TMTC2: variants seen among roughly 807,000 people sequenced by gnomAD.
TMTC2 encodes the protein transmembrane O-mannosyltransferase targeting cadherins 2.
Under a neutral mutation model 82.4 loss-of-function variants are expected in TMTC2, and 43 were observed. The observed-to-expected ratio is 0.52, with a 90% CI of 0.41 to 0.67. The LOEUF (loss-of-function observed/expected upper bound fraction) is 0.67. Among genes scored for constraint, TMTC2 ranks in the 30% least tolerant of loss-of-function variants. The pLI, the probability that TMTC2 is intolerant of heterozygous loss-of-function variation, is 0.00. For missense variants in TMTC2, 919 were observed against 1,012.4 expected (o/e 0.91, Z 1.25); for synonymous variants, 408 against 381.9 (o/e 1.07, Z -0.80).
intron 4 of TMTC2, among the ~76,000 whole-genome samples, chr12:82,952,130 A>G (rs528942773): frequency 2.0e-5 from 3 of 152,094 alleles, no homozygotes; most frequent in Non-Finnish European, 2.9e-5. Context: ...TGAAAATCCT[A>G]CCTGTTTCTA....
intron 1 of TMTC2, among the ~76,000 whole-genome samples, chr12:82,748,774 G>A (rs1875821509): frequency 6.6e-6 from 1 of 152,154 alleles, no homozygotes; most frequent in African/African-American, 2.4e-5. Flanking sequence ...CTACTTGTGA[G>A]GCTGAGGCAG....
intron 1 of TMTC2, among the ~76,000 whole-genome samples, chr12:82,849,307 T>C (rs1870847115): frequency 6.6e-6 from 1 of 152,028 alleles, no homozygotes; most frequent in Non-Finnish European, 1.5e-5. Context: ...AGGTGACCTA[T>C]AGCCTAATGA....
At chr12:82,898,983 C>G (rs377350328) in intron 3 of TMTC2, among the ~76,000 whole-genome samples, 3 of 152,162 alleles carry the variant, frequency 2.0e-5, no homozygotes, top group African/African-American at 4.8e-5. Context: ...CTGAAAGTTA[C>G]GATTCTAAAT....
intron 1 of TMTC2, chr12:82,760,807 A>C (rs1876584810): frequency 2.5e-6 from 1 of 394,560 alleles, no homozygotes; most frequent in Non-Finnish European, 5.1e-6. Context: ...TGAGGGATCT[A>C]GGTTTCATAC....
At chr12:82,737,729 T>G (rs1446159856) in intron 1 of TMTC2, among the ~76,000 whole-genome samples, 2 of 152,208 alleles carry the variant, frequency 1.3e-5, no homozygotes, top group East Asian at 3.8e-4. Flanking sequence ...TATACAGGAA[T>G]TTGAGGTTGA....
At chr12:82,993,365 T>C (rs867840049) in intron 8 of TMTC2, among the ~76,000 whole-genome samples, 6 of 60,462 alleles carry the variant, frequency 9.9e-5, no homozygotes, top group Middle Eastern at 9.1e-3. Flanking sequence ...GGTCTACTTA[T>C]ACACAGTTTT....
chr12:82,929,913 T>C (rs1875935111), intron 3 of TMTC2, among the ~76,000 whole-genome samples: 1 of 152,206 alleles, frequency 6.6e-6, no homozygotes, highest in African/African-American at 2.4e-5. Flanking sequence ...TAAAAGAACA[T>C]TATATCTATA....
intron 1 of TMTC2, among the ~76,000 whole-genome samples, chr12:82,792,802 TG>T (rs1878532819): frequency 6.6e-6 from 1 of 152,062 alleles, no homozygotes. Flanking sequence ...TATTTTCACA[TG>T]ATACAGATTC....
intron 11 of TMTC2, among the ~76,000 whole-genome samples, chr12:83,125,211 C>G (rs1885066655): frequency 6.6e-6 from 1 of 152,314 alleles, no homozygotes; most frequent in East Asian, 1.9e-4. Context: ...AGATTTCTAT[C>G]ATTACCTTGA....
intron 1 of TMTC2, among the ~76,000 whole-genome samples, chr12:82,718,477 A>G (rs17009893): frequency 6.6e-6 from 1 of 152,110 alleles, no homozygotes; most frequent in Admixed American, 6.5e-5. Context: ...CAGAACATAA[A>G]GTATTCATGG....
At chr12:83,122,501 T>C (rs1435884982) in intron 11 of TMTC2, among the ~76,000 whole-genome samples, 3 of 152,160 alleles carry the variant, frequency 2.0e-5, no homozygotes, top group African/African-American at 7.2e-5. Flanking sequence ...TTTTTTCCGC[T>C]GCTTCCTCTA....
At chr12:83,050,253 G>A (rs1214466952) in intron 9 of TMTC2, among the ~76,000 whole-genome samples, 1 of 152,092 alleles carries the variant, frequency 6.6e-6, no homozygotes, top group East Asian at 1.9e-4. Flanking sequence ...GTCTCTGTCT[G>A]TATATTTATG....
At chr12:83,012,404 A>G (rs1353819585) in intron 8 of TMTC2, among the ~76,000 whole-genome samples, 1 of 152,164 alleles carries the variant, frequency 6.6e-6, no homozygotes, top group African/African-American at 2.4e-5. Context: ...TCTGTAGAAG[A>G]TATCTTTTTA....
At chr12:83,097,622 AG>A (rs2137528730) in intron 11 of TMTC2, among the ~76,000 whole-genome samples, 1 of 152,334 alleles carries the variant, frequency 6.6e-6, no homozygotes, top group East Asian at 1.9e-4. Context: ...TTTTATTCTG[AG>A]GGTAGAGAGA....
At chr12:83,072,642 T>C (rs1437146439) in intron 11 of TMTC2, among the ~76,000 whole-genome samples, 1 of 152,192 alleles carries the variant, frequency 6.6e-6, no homozygotes, top group Non-Finnish European at 1.5e-5. Flanking sequence ...GTCTAATTTC[T>C]TAGTCTATTA....
At chr12:82,989,940 AACCATCTTT>A (rs1191088446) in intron 8 of TMTC2, among the ~76,000 whole-genome samples, 2 of 152,130 alleles carry the variant, frequency 1.3e-5, no homozygotes, top group African/African-American at 4.8e-5. Context: ...AAAACCCCAC[AACCATCTTT>A]AACAGCTTCT....
chr12:82,809,758 A>C (rs934975723), intron 1 of TMTC2, among the ~76,000 whole-genome samples: 1 of 152,090 alleles, frequency 6.6e-6, no homozygotes, highest in Non-Finnish European at 1.5e-5. Context: ...CTAGAGTGTG[A>C]ATGTGAGTTG....
rs1054843373 is a variant in TMTC2 at position 82,981,454 on chromosome 12, T to G, written c.1949-4471T>G. Among the ~76,000 whole-genome samples the G allele has an allele frequency of 9.2e-5, 14 of 152,034 alleles. No individual in the cohort carries two copies. In the Middle Eastern group the frequency reaches 0.01, roughly 111 times the overall value. On this transcript the variant is annotated intron_variant, in intron 7 of 11. Coordinates refer to ENST00000321196, the MANE Select transcript of TMTC2 (RefSeq NM_152588.3). Reference sequence around the variant, plus strand: ...CATCTGAAACTGGTTTATGTCTGCCTGAAGCCAGCCTGGAGACATCCAAAT... The same window carrying G: ...CATCTGAAACTGGTTTATGTCTGCCGGAAGCCAGCCTGGAGACATCCAAAT...
intron 3 of TMTC2, among the ~76,000 whole-genome samples, chr12:82,923,652 T>C (rs936853941): frequency 6.6e-6 from 1 of 152,346 alleles, no homozygotes; most frequent in South Asian, 2.1e-4. Flanking sequence ...ATCTTTGTTT[T>C]TCATGAATAT....
Sources: allele counts gnomAD v4.1 joint callset (sites outside exome capture counted in the v4.1 genomes callset), GRCh38; gene constraint gnomAD v4.1.1; transcripts MANE v1.5; gene names NCBI Gene and HGNC (gene_info 2026-07-23, HGNC 2026-07-21).